The following SPATA17 variants were observed in gnomAD, a reference collection of about 807,000 sequenced individuals.
SPATA17 encodes spermatogenesis-associated protein 17.
Under a neutral mutation model 62.2 loss-of-function variants are expected in SPATA17, and 53 were observed. That is an observed-to-expected ratio of 0.85 (90% confidence interval 0.68 to 1.07). The LOEUF (loss-of-function observed/expected upper bound fraction) is 1.07, where lower values mean the gene tolerates loss of function less well. SPATA17 is among the 50% of genes least tolerant of loss of function. The pLI is 0.00. For synonymous variants in SPATA17, 146 were observed against 146.8 expected (o/e 0.99, Z 0.04); for missense variants, 466 against 425.5 (o/e 1.10, Z -0.84).
At chr1:217,762,314 A>C (rs571841843) in intron 6 of SPATA17, among the ~76,000 whole-genome samples, 3 of 152,296 alleles carry the variant, frequency 2.0e-5, no homozygotes, top group Admixed American at 6.5e-5. Flanking sequence ...TCTCAACCTG[A>C]ATGTTTTAAG....
At chr1:217,759,690 G>C (rs193171105) in intron 6 of SPATA17, among the ~76,000 whole-genome samples, 1 of 152,056 alleles carries the variant, frequency 6.6e-6, no homozygotes, top group East Asian at 1.9e-4. Context: ...ACGGAATAGG[G>C]GCTCCACAGG....
At chr1:217,788,781 G>A (rs1673924529) in intron 8 of SPATA17, among the ~76,000 whole-genome samples, 1 of 152,224 alleles carries the variant, frequency 6.6e-6, no homozygotes, top group South Asian at 2.1e-4. Context: ...GACCTATTTT[G>A]CACTTCTGAC....
intron 8 of SPATA17, among the ~76,000 whole-genome samples, chr1:217,793,438 T>C (rs1418590498): frequency 6.6e-6 from 1 of 152,016 alleles, no homozygotes; most frequent in Non-Finnish European, 1.5e-5. Context: ...GCCAGGATGG[T>C]CTCGATCTCT....
Position 217,651,117 on chromosome 1 carries a change from CAAT to C in SPATA17, c.180_182del (p.Ile62del), listed in dbSNP as rs1670303651. The stretch of plus-strand genomic sequence containing the variant: ...CCTAGGCATTTAAACAGGATTGTAA[CAAT>C]TATTCAAAAATGGTGGAGAAGTTTC... On this transcript the variant is annotated inframe_deletion, in exon 3 of 11. Transcript: ENST00000366933. 2 of 1,608,078 alleles carry C rather than the reference CAAT, an allele frequency of 1.2e-6. No individual in the cohort carries two copies. The highest frequency in any genetic ancestry group is 2.7e-5 in the African/African-American group (2 of 74,620).
intron 8 of SPATA17, among the ~76,000 whole-genome samples, chr1:217,793,137 G>T (rs1251912565): frequency 6.6e-6 from 1 of 151,982 alleles, no homozygotes; most frequent in Admixed American, 6.6e-5. Flanking sequence ...AACCTTGGTG[G>T]TGGAATAATC....
chr1:217,708,621 T>C (rs547651241), intron 5 of SPATA17, among the ~76,000 whole-genome samples: 7 of 152,182 alleles, frequency 4.6e-5, no homozygotes, highest in African/African-American at 1.7e-4. Flanking sequence ...TTTGATCAGA[T>C]GTATAAAGAA....
chr1:217,648,783 T>G, intron 1 of SPATA17, 99 bp from the exon 2 acceptor site: 1 of 599,754 alleles, frequency 1.7e-6, no homozygotes, highest in Non-Finnish European at 2.8e-6. Flanking sequence ...AATTTATAAT[T>G]ATCATCTTGG....
intron 6 of SPATA17, among the ~76,000 whole-genome samples, chr1:217,770,552 G>T (rs892227305): frequency 2.0e-5 from 3 of 151,966 alleles, no homozygotes; most frequent in Non-Finnish European, 4.4e-5. Flanking sequence ...GTACACCTTG[G>T]TAACAAAGAG....
intron 3 of SPATA17, among the ~76,000 whole-genome samples, chr1:217,657,541 T>A (rs971688942): frequency 6.6e-6 from 1 of 152,224 alleles, no homozygotes; most frequent in African/African-American, 2.4e-5. Context: ...ACCTCTGCAC[T>A]GTCACACACT....
intron 5 of SPATA17, among the ~76,000 whole-genome samples, chr1:217,722,414 T>G: frequency 6.6e-6 from 1 of 151,998 alleles, no homozygotes; most frequent in Admixed American, 6.6e-5. Context: ...TTTCTGTAAC[T>G]TTTTTGATAA....
At chr1:217,688,990 A>G (rs1299639295) in intron 5 of SPATA17, among the ~76,000 whole-genome samples, 1 of 152,128 alleles carries the variant, frequency 6.6e-6, no homozygotes, top group Non-Finnish European at 1.5e-5. Context: ...AAACTCCATT[A>G]TAATTTTCAC....
At chr1:217,754,518 C>G (rs1194320159) in intron 6 of SPATA17, among the ~76,000 whole-genome samples, 1 of 152,014 alleles carries the variant, frequency 6.6e-6, no homozygotes, top group Non-Finnish European at 1.5e-5. Flanking sequence ...TTTGAGGACA[C>G]TTCAGAAATA....
chr1:217,798,419 C>T (rs1247780204), intron 8 of SPATA17, among the ~76,000 whole-genome samples: 4 of 152,140 alleles, frequency 2.6e-5, no homozygotes, highest in South Asian at 4.1e-4. Flanking sequence ...GTATGTGTTT[C>T]TCTTTTCCCA....
At chr1:217,725,553 C>T (rs1238915743) in intron 5 of SPATA17, among the ~76,000 whole-genome samples, 1 of 152,198 alleles carries the variant, frequency 6.6e-6, no homozygotes, top group Non-Finnish European at 1.5e-5. Context: ...ACCTCTGCCT[C>T]CTGGGCTCAA....
chr1:217,744,055 T>C (rs1260731933), intron 6 of SPATA17, among the ~76,000 whole-genome samples: 1 of 152,158 alleles, frequency 6.6e-6, no homozygotes, highest in Non-Finnish European at 1.5e-5. Flanking sequence ...ACAGCAAATA[T>C]CTATGGAGTG....
At chr1:217,665,595 G>A (rs1274947049) in intron 3 of SPATA17, 1 of 152,120 alleles carries the variant, frequency 6.6e-6, no homozygotes, top group Non-Finnish European at 1.5e-5. Context: ...CATGGCCAGT[G>A]GTGGGACTGG....
At chr1:217,840,236 A>T (rs1349829441) in intron 9 of SPATA17, among the ~76,000 whole-genome samples, 3 of 152,242 alleles carry the variant, frequency 2.0e-5, no homozygotes, top group Non-Finnish European at 4.4e-5. Flanking sequence ...TCTTTTTGCT[A>T]TTGCTGTTTC....
At chr1:217,847,232 T>C (rs968719417) in intron 9 of SPATA17, among the ~76,000 whole-genome samples, 2 of 152,028 alleles carry the variant, frequency 1.3e-5, no homozygotes, top group African/African-American at 4.8e-5. Flanking sequence ...TAAATCATAT[T>C]CTTGCAGTTG....
At position 217,844,104 on chromosome 1, in the gene SPATA17, C is replaced by T. The variant is rs147036819; in HGVS notation, c.1006-18670C>T. Among the ~76,000 whole-genome samples the T allele has an allele frequency of 1.2e-3, 182 of 152,224 alleles. 1 individual carries two copies. Among genetic ancestry groups the T allele is most frequent in the African/African-American group, 3.9e-3 (160 of 41,556 alleles). ...CAGTTTCGTAGATACTGGTAGAAGA[C>T]AGAAGCTTCCTAGGTCAGAGATTTT... On this transcript the variant is annotated intron_variant, in intron 9 of 10. Transcript: ENST00000366933.
Sources: allele counts gnomAD v4.1 joint callset (sites outside exome capture counted in the v4.1 genomes callset), GRCh38; gene constraint gnomAD v4.1.1; transcripts MANE v1.5; gene names NCBI Gene and HGNC (gene_info 2026-07-23, HGNC 2026-07-21).